The following CIROZ variants were observed in gnomAD, a reference collection of about 807,000 sequenced individuals.
CIROZ encodes ciliated left-right organizer ZP-N domains-containing protein.
chr1:10,955,020 G>A, the CIROZ span: 1 of 1,608,796 alleles, frequency 6.2e-7, no homozygotes, highest in East Asian at 2.2e-5. Flanking sequence ...CCGCCGGAAT[G>A]CTGACCACCA....
At chr1:10,969,347 C>T in the CIROZ span, among the ~76,000 whole-genome samples, 24 of 152,164 alleles carry the variant, frequency 1.6e-4, no homozygotes, top group African/African-American at 5.5e-4. Context: ...TGAAGACATC[C>T]AATGCTTTCC....
the CIROZ span, among the ~76,000 whole-genome samples, chr1:10,965,166 G>A: frequency 2.0e-4 from 31 of 151,952 alleles, no homozygotes; most frequent in Admixed American, 2.6e-4. Flanking sequence ...TAAGCTTTGC[G>A]GTGGGGCCTG....
the CIROZ span, among the ~76,000 whole-genome samples, chr1:10,981,077 C>T: frequency 6.6e-6 from 1 of 152,254 alleles, no homozygotes. Flanking sequence ...TCACTTCCCA[C>T]TCTCAGGAGC....
chr1:10,971,958 T>C, the CIROZ span, among the ~76,000 whole-genome samples: 1 of 152,188 alleles, frequency 6.6e-6, no homozygotes, highest in Non-Finnish European at 1.5e-5. Context: ...TTCTCCCCCA[T>C]GACACATAAA....
the CIROZ span, among the ~76,000 whole-genome samples, chr1:10,962,168 G>A: frequency 6.6e-6 from 1 of 151,948 alleles, no homozygotes; most frequent in Admixed American, 6.6e-5. Context: ...TGACTTGACC[G>A]GGCGTGGTGG....
At chr1:10,965,022 C>A in the CIROZ span, among the ~76,000 whole-genome samples, 1 of 152,092 alleles carries the variant, frequency 6.6e-6, no homozygotes, top group South Asian at 2.1e-4. Flanking sequence ...AGGCATGTGG[C>A]CATTTCTGAG....
At chr1:10,981,741 G>A in the CIROZ span, among the ~76,000 whole-genome samples, 1 of 152,066 alleles carries the variant, frequency 6.6e-6, no homozygotes, top group African/African-American at 2.4e-5. Context: ...CCAATCTTCT[G>A]GAAATCCTTC....
chr1:10,957,054 A>G, the CIROZ span: 1 of 1,550,912 alleles, frequency 6.4e-7, no homozygotes, highest in African/African-American at 1.4e-5. Context: ...AAGAATAGGC[A>G]TGGTGACCGC....
At chr1:10,946,643 C>A in the CIROZ span, 1 of 152,220 alleles carries the variant, frequency 6.6e-6, no homozygotes, top group Non-Finnish European at 1.5e-5. Context: ...GCCCAGAACA[C>A]TGTACCCAGC....
chr1:10,954,218 G>A, the CIROZ span: 39 of 1,457,292 alleles, frequency 2.7e-5, no homozygotes, highest in Non-Finnish European at 3.2e-5. Context: ...CACTTTGGGA[G>A]GCTGAGGCAG....
the CIROZ span, chr1:10,957,644 G>GAAGACCTCCCACCTCTGAAGAA: frequency 6.2e-7 from 1 of 1,614,014 alleles, no homozygotes; most frequent in African/African-American, 1.3e-5. Context: ...GCCTTGTCTC[G>GAAGACCTCCCACCTCTGAAGAA]GGCTTTGGAC....
chr1:10,981,321 A>C, the CIROZ span, among the ~76,000 whole-genome samples: 1 of 152,160 alleles, frequency 6.6e-6, no homozygotes, highest in Non-Finnish European at 1.5e-5. Flanking sequence ...GTGGTGGCAC[A>C]TGCCTATGGT....
the CIROZ span, among the ~76,000 whole-genome samples, chr1:10,954,727 A>C: frequency 6.6e-6 from 1 of 151,890 alleles, no homozygotes; most frequent in African/African-American, 2.4e-5. Context: ...TACAGACTCA[A>C]CTCCCTAAGA....
At chr1:10,949,875 C>G in the CIROZ span, 4 of 1,412,244 alleles carry the variant, frequency 2.8e-6, no homozygotes, top group East Asian at 2.5e-5. Flanking sequence ...TCCCAACACC[C>G]TGCTGAAGGG....
chr1:10,951,745 A>AAAAATATATATAT, the CIROZ span, among the ~76,000 whole-genome samples: 3 of 119,204 alleles, frequency 2.5e-5, no homozygotes, highest in South Asian at 2.6e-4. Flanking sequence ...AAAAAAAAAA[A>AAAAATATATATAT]ATATATATAT....
At chr1:10,961,158 G>A in the CIROZ span, among the ~76,000 whole-genome samples, 215 of 152,346 alleles carry the variant, frequency 1.4e-3, no homozygotes, top group Middle Eastern at 0.024. Flanking sequence ...CAGGCCCACT[G>A]TCGTGTGAGG....
chr1:10,948,203 T>C, the CIROZ span: 1 of 1,613,816 alleles, frequency 6.2e-7, no homozygotes, highest in South Asian at 1.1e-5. Context: ...GTTCTGAGGA[T>C]GAAAGGTCCA....
chr1:10,954,859 C>A, the CIROZ span: 2 of 1,012,534 alleles, frequency 2.0e-6, no homozygotes, highest in African/African-American at 1.6e-5. Context: ...TCCCAAAGTG[C>A]TGGGATTACA....
At chr1:10,978,902 G>A in the CIROZ span, among the ~76,000 whole-genome samples, 1 of 152,166 alleles carries the variant, frequency 6.6e-6, no homozygotes, top group Non-Finnish European at 1.5e-5. Flanking sequence ...GCAGGCAGGA[G>A]CCATGGCCAG....
Sources: allele counts gnomAD v4.1 joint callset (sites outside exome capture counted in the v4.1 genomes callset), GRCh38; gene constraint gnomAD v4.1.1; transcripts MANE v1.5; gene names NCBI Gene and HGNC (gene_info 2026-07-23, HGNC 2026-07-21).